FAM174B: variants seen among roughly 807,000 people sequenced by gnomAD.
FAM174B encodes family with sequence similarity 174 member B, also known as membrane protein FAM174B.
FAM174B carries 12 observed loss-of-function variants against 10.9 expected under a neutral mutation model. The ratio of observed to expected loss-of-function variants is 1.10; its 90% CI spans 0.71 to 1.79. The LOEUF (loss-of-function observed/expected upper bound fraction) is 1.79. FAM174B is among the 40% of genes most tolerant of loss of function. The pLI, the probability that FAM174B is intolerant of heterozygous loss-of-function variation, is 0.00. For synonymous variants in FAM174B, 132 were observed against 115.8 expected (o/e 1.14, Z -0.90); for missense variants, 266 against 233.3 (o/e 1.14, Z -0.91).
chr15:92,624,261 C>T (rs74029157), intron 2 of FAM174B, among the ~76,000 whole-genome samples: 2,406 of 152,258 alleles, frequency 0.016, 73 homozygotes, highest in African/African-American at 0.054. Context: ...TGCAGGTCAC[C>T]GGCTCCTCTC....
chr15:92,650,821 C>T (rs1476115012), intron 1 of FAM174B, among the ~76,000 whole-genome samples: 1 of 152,160 alleles, frequency 6.6e-6, no homozygotes. Flanking sequence ...TTTCAGCTCC[C>T]ATAAACCTGC....
intron 1 of FAM174B, among the ~76,000 whole-genome samples, chr15:92,630,744 TTTATA>T (rs1413311709): frequency 1.5e-5 from 1 of 65,372 alleles, no homozygotes; most frequent in East Asian, 3.9e-4. Flanking sequence ...TTATATATTT[TTTATA>T]TTATATAATA....
rs1480175042 is a variant in FAM174B, at chr15:92,618,746, A to ACACACGTG, written c.*709_*710insCACGTGTG. ...CACACGTGCACACGCACACACGTGC[A>ACACACGTG]CACACACACACACACACACGCACAG... is the stretch of plus-strand genomic sequence containing the variant. On this transcript the variant is annotated 3_prime_UTR_variant, in exon 3 of 3. Coordinates refer to ENST00000327355, the MANE Select transcript of FAM174B (RefSeq NM_207446.3). The ACACACGTG allele has an allele frequency of 3.4e-5, 2 of 59,120 alleles. No homozygotes were observed. Among genetic ancestry groups the ACACACGTG allele is most frequent in the Non-Finnish European group, 7.2e-5 (2 of 27,750 alleles). 3.7% of individuals were successfully genotyped at this position (59,120 alleles called of 1,614,324 possible).
intron 1 of FAM174B, among the ~76,000 whole-genome samples, chr15:92,632,591 C>A (rs187809334): frequency 6.6e-6 from 1 of 152,260 alleles, no homozygotes; most frequent in African/African-American, 2.4e-5. Context: ...CTCGCTGCAG[C>A]CTCAACCTCC....
chr15:92,650,746 A>G (rs1195971297), intron 1 of FAM174B, among the ~76,000 whole-genome samples: 2 of 151,976 alleles, frequency 1.3e-5, no homozygotes, highest in Non-Finnish European at 2.9e-5. Context: ...TTGTTTCCCA[A>G]TACCAAAAAA....
intron 1 of FAM174B, among the ~76,000 whole-genome samples, chr15:92,650,137 A>G (rs1437053115): frequency 2.6e-5 from 4 of 152,254 alleles, no homozygotes; most frequent in Admixed American, 1.3e-4. Context: ...TGCTAAAAGT[A>G]TTAAGCTTTT....
intron 1 of FAM174B, among the ~76,000 whole-genome samples, chr15:92,650,885 A>G (rs369959042): frequency 2.0e-5 from 3 of 152,222 alleles, no homozygotes; most frequent in South Asian, 4.1e-4. Flanking sequence ...GACCACTCTC[A>G]CACATGTGAA....
chr15:92,653,834 A>G (rs1227714059), intron 1 of FAM174B, among the ~76,000 whole-genome samples: 1 of 152,278 alleles, frequency 6.6e-6, no homozygotes, highest in Non-Finnish European at 1.5e-5. Flanking sequence ...TAGGCTCAGA[A>G]GCGCTGGTTG....
intron 1 of FAM174B, among the ~76,000 whole-genome samples, chr15:92,643,210 C>T (rs1388879843): frequency 6.6e-6 from 1 of 151,870 alleles, no homozygotes; most frequent in Non-Finnish European, 1.5e-5. Flanking sequence ...TCAAGCAATC[C>T]TCCCATCTTG....
chr15:92,619,228 T>A lies in FAM174B; in HGVS notation c.*228A>T, dbSNP rs1260235540. On this transcript the variant is annotated 3_prime_UTR_variant, in exon 3 of 3. Coordinates refer to ENST00000327355, the MANE Select transcript of FAM174B (RefSeq NM_207446.3). ...AGAAGTAGGGGGCACTTTAAAGGGATGCCCAAAGGGTGGCAGAAGCAACTC... is the reference window on the plus strand; with the variant it reads ...AGAAGTAGGGGGCACTTTAAAGGGAAGCCCAAAGGGTGGCAGAAGCAACTC... 9 of 705,118 alleles carry A rather than the reference T, an allele frequency of 1.3e-5. No individual in the cohort carries two copies. The highest frequency in any genetic ancestry group is 1.2e-4 in the Admixed American group (6 of 50,018). 43.7% of individuals were successfully genotyped at this position (705,118 alleles called of 1,614,324 possible). A position where few individuals can be genotyped will look rare whatever the true frequency, so the allele number is the denominator to read the frequency against.
intron 2 of FAM174B, among the ~76,000 whole-genome samples, chr15:92,621,856 C>T (rs1407383996): frequency 6.6e-6 from 1 of 152,080 alleles, no homozygotes; most frequent in African/African-American, 2.4e-5. Context: ...TAAGGACCCC[C>T]AACATTAAGG....
At chr15:92,621,275 T>C (rs1427026253) in intron 2 of FAM174B, among the ~76,000 whole-genome samples, 3 of 152,196 alleles carry the variant, frequency 2.0e-5, no homozygotes, top group African/African-American at 7.2e-5. Flanking sequence ...ATTTTTATTT[T>C]TGCATGAAGT....
intron 1 of FAM174B, 25 bp downstream of exon 1, chr15:92,655,291 G>T (rs778308570): frequency 1.3e-6 from 2 of 1,517,296 alleles, no homozygotes; most frequent in Admixed American, 2.0e-5. Context: ...GCCGGCGGGG[G>T]AAGGAAGAGG....
At chr15:92,621,608 C>CAAA (rs34071146) in intron 2 of FAM174B, among the ~76,000 whole-genome samples, 3 of 131,844 alleles carry the variant, frequency 2.3e-5, no homozygotes, top group Non-Finnish European at 4.9e-5. Context: ...AAGATCGTCT[C>CAAA]AAAAAAAAAA....
At chr15:92,645,169 C>T (rs906064632) in intron 1 of FAM174B, among the ~76,000 whole-genome samples, 2 of 152,208 alleles carry the variant, frequency 1.3e-5, no homozygotes, top group Non-Finnish European at 2.9e-5. Context: ...TAAATCCTTC[C>T]TTATCTCTGT....
rs2050696488 is a variant in FAM174B at position 92,618,727 on chromosome 15, TGCACACGC to T, written c.*721_*728del. 7.2e-6 allele frequency: 1 copy of T among 139,672 alleles called. No individual in the cohort carries two copies. The highest frequency in any genetic ancestry group is 3.0e-5 in the African/African-American group (1 of 33,768). 8.7% of individuals were successfully genotyped at this position (139,672 alleles called of 1,614,324 possible). On this transcript the variant is annotated 3_prime_UTR_variant, in exon 3 of 3. Coordinates refer to ENST00000327355, the MANE Select transcript of FAM174B (RefSeq NM_207446.3). ...AACTGTTTTATAGGTATCACACACGTGCACACGCACACACGTGCACACACACACACACA... is the reference window on the plus strand; with the variant it reads ...AACTGTTTTATAGGTATCACACACGTACACACGTGCACACACACACACACA...
intron 1 of FAM174B, among the ~76,000 whole-genome samples, chr15:92,654,453 T>C (rs1367607239): frequency 2.6e-5 from 4 of 152,216 alleles, no homozygotes; most frequent in African/African-American, 7.2e-5. Flanking sequence ...GGAAATGTCC[T>C]TGCATTCCTC....
In FAM174B at chr15:92,654,485, G is replaced by T. The variant is rs550472566; in HGVS notation, c.344+831C>A. 1.3e-4 allele frequency among the ~76,000 whole-genome samples: 20 copies of T among 152,288 alleles called. No homozygotes were observed. In the South Asian group the frequency reaches 1.7e-3, roughly 13 times the overall value. The stretch of plus-strand genomic sequence containing the variant: ...CCTCTTAGCCCTGTCCACCAGGATG[G>T]ACAGGGATCAAGGACCTGGGACATC... On this transcript the variant is annotated intron_variant, in intron 1 of 2. Coordinates refer to ENST00000327355, the MANE Select transcript of FAM174B (RefSeq NM_207446.3).
intron 1 of FAM174B, among the ~76,000 whole-genome samples, chr15:92,642,274 T>C (rs183064856): frequency 1.3e-5 from 2 of 152,334 alleles, no homozygotes; most frequent in East Asian, 1.9e-4. Flanking sequence ...AGGTTAAACA[T>C]GGAGTTATCA....
Sources: allele counts gnomAD v4.1 joint callset (sites outside exome capture counted in the v4.1 genomes callset), GRCh38; gene constraint gnomAD v4.1.1; transcripts MANE v1.5; gene names NCBI Gene and HGNC (gene_info 2026-07-23, HGNC 2026-07-21).